CCDC33: variants seen among roughly 807,000 people sequenced by gnomAD.
CCDC33 encodes coiled-coil domain-containing protein 33.
A neutral mutation model predicts 91.9 loss-of-function variants in CCDC33; 94 were observed. The ratio of observed to expected loss-of-function variants is 1.02; its 90% CI spans 0.87 to 1.21. The LOEUF (loss-of-function observed/expected upper bound fraction) is 1.21. CCDC33 is among the 50% of genes most tolerant of loss of function. CCDC33 has a pLI of 0.00. For missense variants in CCDC33, 940 were observed against 935.5 expected, an observed-to-expected ratio of 1.00 and a Z score of -0.06; for synonymous variants, 396 against 374.5, an observed-to-expected ratio of 1.06 and a Z score of -0.66.
intron 9 of CCDC33, among the ~76,000 whole-genome samples, chr15:74,281,019 G>T (rs2059351424): frequency 6.6e-6 from 1 of 152,250 alleles, no homozygotes; most frequent in Non-Finnish European, 1.5e-5. Context: ...CCAAGCCAGA[G>T]AAATTGCCCC....
intron 10 of CCDC33, among the ~76,000 whole-genome samples, chr15:74,284,893 G>T (rs1432108698): frequency 2.0e-5 from 3 of 152,232 alleles, no homozygotes; most frequent in African/African-American, 7.2e-5. Context: ...CCTAGACTTT[G>T]GGAAGGCAGC....
At chr15:74,315,537 G>A (rs561883107) in intron 11 of CCDC33, among the ~76,000 whole-genome samples, 1 of 152,234 alleles carries the variant, frequency 6.6e-6, no homozygotes, top group Non-Finnish European at 1.5e-5. Context: ...AAGTTAGGCC[G>A]ATCTATTTAA....
At chr15:74,309,270 A>G (rs917467203) in intron 11 of CCDC33, among the ~76,000 whole-genome samples, 5 of 152,066 alleles carry the variant, frequency 3.3e-5, no homozygotes, top group African/African-American at 1.2e-4. Flanking sequence ...CCCATGCTCA[A>G]TGGCAGTGGT....
intron 2 of CCDC33, among the ~76,000 whole-genome samples, chr15:74,224,073 G>A (rs140019929): frequency 1.3e-5 from 2 of 152,306 alleles, no homozygotes; most frequent in East Asian, 3.9e-4. Flanking sequence ...GGGAACAAAG[G>A]CACTGTCATG....
At chr15:74,239,482 G>C (rs1356435744) in intron 1 of CCDC33, among the ~76,000 whole-genome samples, 1 of 152,222 alleles carries the variant, frequency 6.6e-6, no homozygotes, top group Admixed American at 6.5e-5. Flanking sequence ...GGGCAAGGCT[G>C]CCTGTCTGTT....
At chr15:74,317,417 C>A (rs1596106949) in intron 11 of CCDC33, among the ~76,000 whole-genome samples, 2 of 152,082 alleles carry the variant, frequency 1.3e-5, no homozygotes, top group East Asian at 3.9e-4. Context: ...ATGAGGCCTG[C>A]AAATGAGAAA....
chr15:74,231,468 G>T (rs1037111683), upstream of CCDC33, among the ~76,000 whole-genome samples: 5 of 152,220 alleles, frequency 3.3e-5, no homozygotes, highest in Non-Finnish European at 5.9e-5. Flanking sequence ...CAGAGCCATT[G>T]GTCTGGCCTC....
chr15:74,242,891 C>T (rs1303788932), intron 1 of CCDC33, among the ~76,000 whole-genome samples: 4 of 152,198 alleles, frequency 2.6e-5, no homozygotes, highest in Non-Finnish European at 5.9e-5. Flanking sequence ...CTGCCCCTTC[C>T]CGCTTGCTGC....
At chr15:74,276,814 C>A (rs1298983550) in intron 7 of CCDC33, among the ~76,000 whole-genome samples, 1 of 152,250 alleles carries the variant, frequency 6.6e-6, no homozygotes, top group African/African-American at 2.4e-5. Flanking sequence ...TCTGGAATGG[C>A]CTTCCTCTTC....
At chr15:74,318,417 T>C in intron 11 of CCDC33, 1 of 540,756 alleles carries the variant, frequency 1.8e-6, no homozygotes, top group Non-Finnish European at 3.2e-6. Flanking sequence ...GAGTGAACCT[T>C]GCATGATTTC....
intron 5 of CCDC33, 74 bp from the exon 6 acceptor site, chr15:74,271,629 C>G: frequency 9.3e-7 from 1 of 1,074,940 alleles, no homozygotes; most frequent in Non-Finnish European, 1.4e-6. Context: ...AGAGGGTAGG[C>G]AGTCTGGCTG....
chr15:74,331,473 C>T (rs2060437729), intron 15 of CCDC33, among the ~76,000 whole-genome samples, 177 bp downstream of exon 15: 1 of 152,188 alleles, frequency 6.6e-6, no homozygotes, highest in Non-Finnish European at 1.5e-5. Flanking sequence ...TCAGGCGCCC[C>T]ATCCAGAGAT....
chr15:74,220,364 T>C (rs2074556942), intron 2 of CCDC33, among the ~76,000 whole-genome samples: 1 of 152,200 alleles, frequency 6.6e-6, no homozygotes, highest in Non-Finnish European at 1.5e-5. Flanking sequence ...AGTGCTGATC[T>C]TGTAAAATAA....
In CCDC33 at chr15:74,236,522, TC is replaced by T; in HGVS notation, c.-192del. The T allele has an allele frequency of 8.2e-6, 2 of 244,892 alleles. No homozygotes were observed. The highest frequency in any genetic ancestry group is 1.6e-5 in the Non-Finnish European group (2 of 123,652). 15.2% of individuals were successfully genotyped at this position (244,892 alleles called of 1,614,324 possible). The stretch of plus-strand genomic sequence containing the variant: ...TGCTCCCACCTGGCCACCCTCCCCC[TC>T]CCCCCACATCCAGGCCCCAGGGCTG... On this transcript the variant is annotated 5_prime_UTR_variant, in exon 1 of 19. Transcript: ENST00000398814.
chr15:74,245,846 C>CTGCG (rs1229736655), intron 2 of CCDC33, among the ~76,000 whole-genome samples: 1 of 152,196 alleles, frequency 6.6e-6, no homozygotes, highest in African/African-American at 2.4e-5. Context: ...AGGCTGCAGC[C>CTGCG]TGCGTCCCAG....
At chr15:74,207,237 G>A (rs1029105219) in intron 1 of CCDC33, among the ~76,000 whole-genome samples, 1 of 152,188 alleles carries the variant, frequency 6.6e-6, no homozygotes, top group Non-Finnish European at 1.5e-5. Context: ...CAGGCCAGAA[G>A]GAATGGGGAA....
intron 11 of CCDC33, chr15:74,318,494 T>C: frequency 1.6e-6 from 1 of 607,866 alleles, no homozygotes; most frequent in Non-Finnish European, 2.9e-6. Flanking sequence ...CCTGCCTGCT[T>C]CCAGCTCAGG....
Position 74,333,947 on chromosome 15 carries a change from A to T in CCDC33, c.2005A>T (p.Ile669Phe), listed in dbSNP as rs1375184211. 1.2e-6 allele frequency: 2 copies of T among 1,613,678 alleles called. No homozygotes were observed. Among genetic ancestry groups the T allele is most frequent in the African/African-American group, 1.3e-5 (1 of 75,040 alleles). ...CAAGCTGGAACACGCTCAGAGCCGG[A>T]TCCTGTCCCTGGAAAGCCAGGTGGG... ...LAKLEHAQSR[I>F]LSLESQLEDS... is the part of the protein sequence containing the mutation. Residue 669 changes from isoleucine to phenylalanine, a missense_variant, in exon 17 of 19, where the codon ATC becomes TTC. Ile to Phe is a conservative substitution (Grantham distance 21, BLOSUM62 0). Transcript: ENST00000398814.
At chr15:74,245,111 A>C (rs977459018) in intron 2 of CCDC33, among the ~76,000 whole-genome samples, 2 of 152,102 alleles carry the variant, frequency 1.3e-5, no homozygotes, top group Non-Finnish European at 2.9e-5. Context: ...AGCAGTGGTG[A>C]CCCTGGTCTG....
Sources: gnomAD v4.1 joint callset for allele counts (sites outside exome capture counted in the v4.1 genomes callset) on GRCh38, gnomAD v4.1.1 for gene constraint, MANE v1.5 for transcripts, NCBI Gene and HGNC (gene_info 2026-07-23, HGNC 2026-07-21) for gene names.